Variants in CEP128 observed in about 807,000 individuals in gnomAD.
CEP128 encodes centrosomal protein 128.
In CEP128, 132 loss-of-function variants were observed where a neutral mutation model predicts 156.7. That is an observed-to-expected ratio of 0.84 (90% CI 0.73 to 0.97). The LOEUF (loss-of-function observed/expected upper bound fraction) is 0.97. Among genes scored for constraint, CEP128 ranks in the 50% least tolerant of loss-of-function variants. The probability of loss-of-function intolerance (pLI) is 0.00; values close to 1 mark genes in which losing one functional copy is unlikely to be tolerated. For missense variants in CEP128, 1,252 were observed against 1,281.9 expected (o/e 0.98, Z 0.36); for synonymous variants, 469 against 448.9 (o/e 1.04, Z -0.57).
intron 8 of CEP128, among the ~76,000 whole-genome samples, chr14:80,872,117 T>C (rs1327435124): frequency 6.6e-6 from 1 of 152,132 alleles, no homozygotes; most frequent in Non-Finnish European, 1.5e-5. Context: ...TTTTTAATAG[T>C]GATCCTCCTA....
intron 19 of CEP128, among the ~76,000 whole-genome samples, chr14:80,615,468 AT>A (rs1180887622): frequency 6.6e-6 from 1 of 152,206 alleles, no homozygotes; most frequent in African/African-American, 2.4e-5. Flanking sequence ...TGCGAAAAGG[AT>A]TGATGCAAAT....
At chr14:80,769,417 A>G (rs890349028) in intron 16 of CEP128, among the ~76,000 whole-genome samples, 3 of 151,938 alleles carry the variant, frequency 2.0e-5, no homozygotes, top group Non-Finnish European at 2.9e-5. Context: ...TCCTAATGCT[A>G]TCCCTCCCCA....
At chr14:80,705,887 C>A (rs888846281) in intron 19 of CEP128, among the ~76,000 whole-genome samples, 3 of 152,112 alleles carry the variant, frequency 2.0e-5, no homozygotes, top group Non-Finnish European at 2.9e-5. Flanking sequence ...GCCTTCAAAT[C>A]TTCCAAATTT....
At chr14:80,823,585 AGCTGGATACAGTTTG>A (rs1885308448) in intron 13 of CEP128, among the ~76,000 whole-genome samples, 4 of 150,914 alleles carry the variant, frequency 2.7e-5, no homozygotes. Context: ...TCTTTAATAA[AGCTGGATACAGTTTG>A]GCTTGGGAAA....
At chr14:80,870,339 T>C (rs1887966423) in intron 8 of CEP128, among the ~76,000 whole-genome samples, 1 of 152,020 alleles carries the variant, frequency 6.6e-6, no homozygotes, top group Non-Finnish European at 1.5e-5. Flanking sequence ...AAAAATCCTC[T>C]GCAAAATACT....
intron 19 of CEP128, among the ~76,000 whole-genome samples, chr14:80,659,633 C>T (rs1361484178): frequency 6.6e-6 from 1 of 152,162 alleles, no homozygotes; most frequent in Non-Finnish European, 1.5e-5. Context: ...AAAGCACTTA[C>T]TAATCCAAAC....
chr14:80,884,666 A>G (rs1888712471), intron 8 of CEP128, among the ~76,000 whole-genome samples: 1 of 152,180 alleles, frequency 6.6e-6, no homozygotes, highest in South Asian at 2.1e-4. Flanking sequence ...CAGCCCACAG[A>G]CCAGGAGATT....
intron 13 of CEP128, among the ~76,000 whole-genome samples, chr14:80,805,257 GA>G (rs1432689722): frequency 6.6e-6 from 1 of 152,080 alleles, no homozygotes; most frequent in Non-Finnish European, 1.5e-5. Context: ...TTGGAATGTG[GA>G]AATGAGGCAG....
At chr14:80,712,503 C>T (rs1318787946) in intron 19 of CEP128, among the ~76,000 whole-genome samples, 2 of 152,150 alleles carry the variant, frequency 1.3e-5, no homozygotes, top group Non-Finnish European at 2.9e-5. Flanking sequence ...AAGGACTTGA[C>T]CTATGGAAGG....
At chr14:80,675,820 G>A (rs892801410) in intron 19 of CEP128, among the ~76,000 whole-genome samples, 4 of 151,890 alleles carry the variant, frequency 2.6e-5, no homozygotes, top group Non-Finnish European at 5.9e-5. Context: ...CCCACTTACT[G>A]AATAGCCCCT....
intron 16 of CEP128, among the ~76,000 whole-genome samples, chr14:80,772,895 G>A (rs1362508291): frequency 6.6e-6 from 1 of 152,162 alleles, no homozygotes; most frequent in Non-Finnish European, 1.5e-5. Context: ...TAAACAAAAG[G>A]TAATACGTAG....
In CEP128 at chr14:80,916,386, C is replaced by G; in HGVS notation, c.147+15G>C. 1 of 1,601,012 alleles carries G rather than the reference C, an allele frequency of 6.2e-7. No homozygotes were observed. The highest frequency in any genetic ancestry group is 1.3e-5 in the African/African-American group (1 of 74,332). On this transcript the variant is annotated intron_variant, in intron 3 of 24. Coordinates refer to ENST00000555265, the MANE Select transcript of CEP128 (RefSeq NM_152446.5). Reference sequence around the variant, plus strand: ...CTATTTAAATTCTATTAAATGCAACCATTGTTAAACTAACCTGTAAAGTAC... The same window carrying G: ...CTATTTAAATTCTATTAAATGCAACGATTGTTAAACTAACCTGTAAAGTAC...
At chr14:80,875,080 A>G (rs941463102) in intron 8 of CEP128, among the ~76,000 whole-genome samples, 6 of 152,212 alleles carry the variant, frequency 3.9e-5, no homozygotes, top group Non-Finnish European at 1.5e-5. Context: ...AGACACTGAG[A>G]AGCTGAACAA....
At chr14:80,726,025 T>C (rs1465099657) in intron 19 of CEP128, among the ~76,000 whole-genome samples, 1 of 152,196 alleles carries the variant, frequency 6.6e-6, no homozygotes, top group Non-Finnish European at 1.5e-5. Context: ...AAGATCCTTT[T>C]TGTAGGCAAC....
At chr14:80,670,502 C>T (rs929902533) in intron 19 of CEP128, among the ~76,000 whole-genome samples, 2 of 152,122 alleles carry the variant, frequency 1.3e-5, no homozygotes, top group African/African-American at 4.8e-5. Context: ...AATGGGAGGC[C>T]ATTATCTTAA....
chr14:80,491,325 G>A (rs969648456), intron 6 of CEP128, among the ~76,000 whole-genome samples: 5 of 152,166 alleles, frequency 3.3e-5, no homozygotes, highest in Non-Finnish European at 7.3e-5. Context: ...CTCTCAAGCT[G>A]CAGCTGTTGG....
chr14:80,950,906 GAAA>G (rs59969729), intron 2 of CEP128, among the ~76,000 whole-genome samples: 8,785 of 115,060 alleles, frequency 0.076, 795 homozygotes, highest in African/African-American at 0.25. Flanking sequence ...TCCCGAGTAA[GAAA>G]AAAAAAAAAA....
chr14:80,703,096 G>C (rs1457090130), intron 19 of CEP128, among the ~76,000 whole-genome samples: 1 of 152,012 alleles, frequency 6.6e-6, no homozygotes, highest in Non-Finnish European at 1.5e-5. Context: ...TGGCAGATGA[G>C]GTAGGAAAAA....
At chr14:80,570,175 T>C (rs767849888) in intron 20 of CEP128, among the ~76,000 whole-genome samples, 2 of 152,212 alleles carry the variant, frequency 1.3e-5, no homozygotes, top group Non-Finnish European at 2.9e-5. Context: ...TGGAATGCAG[T>C]GGCACAATCT....
Sources: gnomAD v4.1 joint callset for allele counts (sites outside exome capture counted in the v4.1 genomes callset) on GRCh38, gnomAD v4.1.1 for gene constraint, MANE v1.5 for transcripts, NCBI Gene and HGNC (gene_info 2026-07-23, HGNC 2026-07-21) for gene names.